Variants in CATSPERB observed in about 807,000 individuals in gnomAD.
CATSPERB encodes cation channel sperm-associated auxiliary subunit beta.
CATSPERB carries 93 observed loss-of-function variants against 128.3 expected under a neutral mutation model. That is an observed-to-expected ratio of 0.72 (90% confidence interval 0.61 to 0.86). The LOEUF (loss-of-function observed/expected upper bound fraction) is 0.86. Ranked by LOEUF, CATSPERB falls within the 40% of genes least tolerant of loss-of-function variation. CATSPERB has a pLI of 0.00. For synonymous variants in CATSPERB, 381 were observed against 448.8 expected, an observed-to-expected ratio of 0.85 and a Z score of 1.91; for missense variants, 1,153 against 1,329.5, an observed-to-expected ratio of 0.87 and a Z score of 2.06.
intron 14 of CATSPERB, among the ~76,000 whole-genome samples, chr14:91,662,435 A>C (rs1014494311): frequency 4.6e-5 from 7 of 152,134 alleles, no homozygotes; most frequent in Non-Finnish European, 8.8e-5. Context: ...ATAAGATGTA[A>C]TTTACTTATT....
chr14:91,614,525 T>C (rs570212240), intron 20 of CATSPERB, among the ~76,000 whole-genome samples: 1 of 152,020 alleles, frequency 6.6e-6, no homozygotes, highest in East Asian at 1.9e-4. Flanking sequence ...TAGCCAGGAA[T>C]GGTGGGCCTT....
chr14:91,708,677 A>G (rs1196470278), intron 5 of CATSPERB, among the ~76,000 whole-genome samples: 1 of 152,218 alleles, frequency 6.6e-6, no homozygotes, highest in Non-Finnish European at 1.5e-5. Context: ...GAAGACAGAA[A>G]AAGAGGAGAA....
intron 11 of CATSPERB, 102 bp downstream of exon 11, chr14:91,683,775 T>G: frequency 1.4e-6 from 1 of 713,864 alleles, no homozygotes; most frequent in Non-Finnish European, 2.3e-6. Flanking sequence ...CAGCCTAAAG[T>G]TTGGAATGGT....
chr14:91,676,325 C>T (rs1185609887), intron 11 of CATSPERB, among the ~76,000 whole-genome samples: 1 of 152,090 alleles, frequency 6.6e-6, no homozygotes, highest in East Asian at 1.9e-4. Context: ...AAAAGCAAGG[C>T]ATCAATATAG....
chr14:91,587,997 C>T lies in CATSPERB; in HGVS notation c.3038G>A (p.Gly1013Asp), dbSNP rs753863516. Reference sequence around the variant, plus strand: ...CATTACCTTTATGCTTAAGTTGAGACCTGAAGGATTATACACTGCAGCACC... The same window carrying T: ...CATTACCTTTATGCTTAAGTTGAGATCTGAAGGATTATACACTGCAGCACC... The part of the protein sequence containing the change: ...ILGAAVYNPS[G>D]LNLSIKGSEL... The change falls in exon 25 of 27, where the codon GGT (glycine) becomes GAT (aspartate). Residue 1013 changes from glycine (G) to aspartate (D), a missense_variant. By Grantham distance (94) the Gly-to-Asp change is moderately conservative. Coordinates refer to ENST00000256343, the MANE Select transcript of CATSPERB (RefSeq NM_024764.4). 1.5e-5 allele frequency: 24 copies of T among 1,608,518 alleles called. No individual in the cohort carries two copies. The highest frequency in any genetic ancestry group is 2.0e-5 in the Non-Finnish European group (23 of 1,175,892).
Position 91,657,719 on chromosome 14 carries a change from A to T in CATSPERB, c.1432+2118T>A, listed in dbSNP as rs1894810654. 2.0e-5 allele frequency among the ~76,000 whole-genome samples: 3 copies of T among 152,230 alleles called. No homozygotes were observed. The South Asian group carries it at 6.2e-4, about 31-fold the overall frequency. On this transcript the variant is annotated intron_variant, in intron 15 of 26. Transcript: ENST00000256343. ...TTAAAATGGGCAAAAATCTGAATAG[A>T]CATTTCTCAAAAGATGACATACAAA...
intron 22 of CATSPERB, among the ~76,000 whole-genome samples, chr14:91,602,975 C>T (rs1450534176): frequency 6.6e-6 from 1 of 152,128 alleles, no homozygotes; most frequent in Non-Finnish European, 1.5e-5. Context: ...TTCATCATCA[C>T]CTCTCTTTTC....
intron 5 of CATSPERB, among the ~76,000 whole-genome samples, chr14:91,718,036 T>A (rs919318672): frequency 6.6e-6 from 1 of 152,190 alleles, no homozygotes; most frequent in Non-Finnish European, 1.5e-5. Flanking sequence ...TTAGAATCAA[T>A]GCTTTTCTAA....
intron 22 of CATSPERB, 46 bp downstream of exon 22, chr14:91,608,246 TTC>T: frequency 8.7e-7 from 1 of 1,152,518 alleles, no homozygotes. Context: ...ACTGAATGAT[TTC>T]CTGAATTCAA....
intron 5 of CATSPERB, 45 bp downstream of exon 5, chr14:91,719,372 TA>T: frequency 7.6e-7 from 1 of 1,320,488 alleles, no homozygotes; most frequent in Non-Finnish European, 1.0e-6. Context: ...TTTTATTTGA[TA>T]AATCCAGACC....
At chr14:91,711,972 A>G (rs909997202) in intron 5 of CATSPERB, among the ~76,000 whole-genome samples, 3 of 152,226 alleles carry the variant, frequency 2.0e-5, no homozygotes, top group Admixed American at 1.3e-4. Flanking sequence ...CTAAAAAACC[A>G]TGTATCAAAG....
chr14:91,616,980 G>A (rs1216801153), intron 20 of CATSPERB, among the ~76,000 whole-genome samples: 1 of 152,034 alleles, frequency 6.6e-6, no homozygotes, highest in Non-Finnish European at 1.5e-5. Flanking sequence ...CCGACCTCAG[G>A]TGATCCACCC....
chr14:91,694,763 C>T (rs1895532080), intron 7 of CATSPERB, among the ~76,000 whole-genome samples: 1 of 152,160 alleles, frequency 6.6e-6, no homozygotes, highest in Admixed American at 6.5e-5. Flanking sequence ...ATCACAAATC[C>T]TAAAGTACTT....
chr14:91,652,699 A>G (rs1433124767), intron 15 of CATSPERB, among the ~76,000 whole-genome samples: 1 of 126,022 alleles, frequency 7.9e-6, no homozygotes, highest in African/African-American at 3.0e-5. Flanking sequence ...AAAAAAAAAA[A>G]AAAAAAGAAA....
intron 19 of CATSPERB, 100 bp downstream of exon 19, chr14:91,621,508 G>A: frequency 1.0e-6 from 1 of 952,520 alleles, no homozygotes; most frequent in Non-Finnish European, 1.5e-6. Flanking sequence ...AACAAGTATG[G>A]GAACCAAGGA....
At chr14:91,691,464 C>T in intron 10 of CATSPERB, 59 bp downstream of exon 10, 1 of 1,238,350 alleles carries the variant, frequency 8.1e-7, no homozygotes, top group Non-Finnish European at 1.1e-6. Flanking sequence ...CATCTCATCT[C>T]AAGTTACCAA....
intron 4 of CATSPERB, among the ~76,000 whole-genome samples, chr14:91,722,486 G>T (rs1002415354): frequency 2.0e-5 from 3 of 152,168 alleles, no homozygotes; most frequent in African/African-American, 7.2e-5. Flanking sequence ...GTTGTCTAGG[G>T]CTGGGGAGTG....
chr14:91,656,862 T>C (rs150311630), intron 15 of CATSPERB, among the ~76,000 whole-genome samples: 21 of 152,220 alleles, frequency 1.4e-4, no homozygotes, highest in East Asian at 7.7e-4. Context: ...GAAGTCACTA[T>C]ACTTATATCA....
At chr14:91,717,457 C>T (rs1895961893) in intron 5 of CATSPERB, among the ~76,000 whole-genome samples, 1 of 152,188 alleles carries the variant, frequency 6.6e-6, no homozygotes, top group Non-Finnish European at 1.5e-5. Context: ...ACACTTCAAA[C>T]TGCTTTCACC....
Sources: gnomAD v4.1 joint callset for allele counts (sites outside exome capture counted in the v4.1 genomes callset) on GRCh38, gnomAD v4.1.1 for gene constraint, MANE v1.5 for transcripts, NCBI Gene and HGNC (gene_info 2026-07-23, HGNC 2026-07-21) for gene names.